Variants in PPARD observed in about 807,000 individuals in gnomAD.
The protein encoded by PPARD is peroxisome proliferator activated receptor delta.
A neutral mutation model predicts 39.5 loss-of-function variants in PPARD; 6 were observed. The observed-to-expected ratio is 0.15, with a 90% CI of 0.08 to 0.30. The LOEUF (loss-of-function observed/expected upper bound fraction) is 0.30, where lower values mean the gene tolerates loss of function less well. PPARD is among the 10% of genes least tolerant of loss of function. The probability of loss-of-function intolerance (pLI) is 1.00; values close to 1 mark genes in which losing one functional copy is unlikely to be tolerated. For synonymous variants in PPARD, 210 were observed against 231.3 expected (o/e 0.91, Z 0.83); for missense variants, 397 against 596.8 (o/e 0.67, Z 3.49).
intron 2 of PPARD, among the ~76,000 whole-genome samples, chr6:35,361,655 C>T (rs1454988601): frequency 1.3e-5 from 2 of 152,182 alleles, no homozygotes; most frequent in Non-Finnish European, 1.5e-5. Context: ...TGTGCTCCTG[C>T]CAGCCCCTGC....
rs142151603 is a variant in PPARD at position 35,361,545 on chromosome 6, G to A, written c.-102+14395G>A. On this transcript the variant is annotated intron_variant, in intron 2 of 7. Coordinates refer to ENST00000360694, the MANE Select transcript of PPARD (RefSeq NM_006238.5). ...AAATAACTTTAATGTTATTTTTGTC[G>A]TCCTCTTCATCTGAACATTGGCCTG... Among the ~76,000 whole-genome samples, 590 of 152,134 alleles carry A rather than the reference G, an allele frequency of 3.9e-3. 6 individuals carry two copies. Among genetic ancestry groups the A allele is most frequent in the Middle Eastern group, 0.017 (5 of 294 alleles).
chr6:35,362,060 G>A (rs1761950309), intron 2 of PPARD, among the ~76,000 whole-genome samples: 1 of 152,124 alleles, frequency 6.6e-6, no homozygotes, highest in Non-Finnish European at 1.5e-5. Flanking sequence ...GGAGAAAAAA[G>A]TAATATATTA....
At chr6:35,389,688 C>T (rs771774781) in intron 2 of PPARD, among the ~76,000 whole-genome samples, 5 of 152,170 alleles carry the variant, frequency 3.3e-5, no homozygotes, top group Non-Finnish European at 5.9e-5. Context: ...ATGCAGATTG[C>T]ATACTCTAAC....
intron 3 of PPARD, among the ~76,000 whole-genome samples, chr6:35,416,766 TC>T (rs957178087): frequency 7.2e-5 from 11 of 152,186 alleles, no homozygotes; most frequent in African/African-American, 2.4e-4. Flanking sequence ...GCAGTCCCCT[TC>T]CGTGACAGTC....
At chr6:35,404,575 G>A (rs1458781218) in intron 2 of PPARD, among the ~76,000 whole-genome samples, 1 of 152,328 alleles carries the variant, frequency 6.6e-6, no homozygotes, top group East Asian at 1.9e-4. Flanking sequence ...TGGGCATCAG[G>A]GAAACACCTG....
At chr6:35,378,775 G>A (rs1471087859) in intron 2 of PPARD, among the ~76,000 whole-genome samples, 2 of 152,074 alleles carry the variant, frequency 1.3e-5, no homozygotes, top group African/African-American at 2.4e-5. Context: ...TTCTGACCTC[G>A]TTAAGATTTC....
intron 2 of PPARD, among the ~76,000 whole-genome samples, chr6:35,375,140 C>T (rs1470659261): frequency 4.6e-5 from 7 of 151,174 alleles, no homozygotes; most frequent in South Asian, 2.1e-4. Context: ...TTTAACTTAA[C>T]GTATTACTGT....
intron 2 of PPARD, among the ~76,000 whole-genome samples, chr6:35,390,311 C>G (rs1224458733): frequency 4.6e-5 from 7 of 152,208 alleles, no homozygotes; most frequent in African/African-American, 1.7e-4. Flanking sequence ...CTGTGTTTTA[C>G]TCCTTTTGTC....
At chr6:35,397,424 C>T (rs760775623) in intron 2 of PPARD, 73 of 572,848 alleles carry the variant, frequency 1.3e-4, no homozygotes, top group Admixed American at 5.1e-4. Context: ...TGCTAGGCCC[C>T]TCAGGCTTCT....
chr6:35,383,304 A>G lies in PPARD; in HGVS notation c.-101-27683A>G, dbSNP rs538804829. On this transcript the variant is annotated intron_variant, in intron 2 of 7. Coordinates refer to ENST00000360694, the MANE Select transcript of PPARD (RefSeq NM_006238.5). ...GAAGCATATGGTGATCAGCTCAGCAAACAAATGGGTAACTTGCGCACTCAG... is the reference window on the plus strand; with the variant it reads ...GAAGCATATGGTGATCAGCTCAGCAGACAAATGGGTAACTTGCGCACTCAG... Among the ~76,000 whole-genome samples the G allele has an allele frequency of 1.4e-4, 21 of 152,254 alleles. No individual in the cohort carries two copies. In the South Asian group the frequency reaches 2.7e-3, roughly 20 times the overall value.
chr6:35,401,076 G>A lies in PPARD; in HGVS notation c.-101-9911G>A, dbSNP rs59072066. The stretch of plus-strand genomic sequence containing the variant: ...GGGAATCACTGAGACCAGGACCTCT[G>A]GGAGGCTGAACCCTGGGAGGGCAGA... On this transcript the variant is annotated intron_variant, in intron 2 of 7. Coordinates refer to ENST00000360694, the MANE Select transcript of PPARD (RefSeq NM_006238.5). This position sits in a 1 kb window ranked among gnomAD's most constrained non-coding sequence, Gnocchi z 4.1. Among the ~76,000 whole-genome samples, 7,979 of 152,248 alleles carry A rather than the reference G, an allele frequency of 0.052. 303 individuals carry two copies. The highest frequency in any genetic ancestry group is 0.1 in the African/African-American group (4,336 of 41,522).
chr6:35,384,337 C>T (rs1445015861), intron 2 of PPARD, among the ~76,000 whole-genome samples: 102 of 138,866 alleles, frequency 7.3e-4, no homozygotes, highest in African/African-American at 2.5e-3. Context: ...CCCGGCCAGC[C>T]GCCCCGTCTG....
chr6:35,424,772 G>C lies in PPARD; in HGVS notation c.1071G>C (p.Leu357=), dbSNP rs1289157247. 1 of 1,613,258 alleles carries C rather than the reference G, an allele frequency of 6.2e-7. No individual in the cohort carries two copies. Among genetic ancestry groups the C allele is most frequent in the Non-Finnish European group, 8.5e-7 (1 of 1,179,304 alleles). ...CCCTATTCATTGCGGCCATCATTCT[G>C]TGTGGAGGTGAGTGAGAGTGGGGCA... The part of the protein sequence containing the change: ...DLALFIAAII[L]CGDRPGLMNV... Residue 357 remains leucine (L), a synonymous_variant, in exon 7 of 8, where the codon CTG becomes CTC. Transcript: ENST00000360694. The surrounding 1 kb of genome is among the most constrained non-coding windows in gnomAD (Gnocchi z 7.1).
chr6:35,395,532 A>G (rs1433553880), intron 2 of PPARD, among the ~76,000 whole-genome samples: 1 of 152,180 alleles, frequency 6.6e-6, no homozygotes, highest in African/African-American at 2.4e-5. Flanking sequence ...GTGATGAACT[A>G]AGGAAGAGGG....
chr6:35,348,839 A>G, intron 2 of PPARD: 1 of 985,412 alleles, frequency 1.0e-6, no homozygotes, highest in South Asian at 4.7e-5. Flanking sequence ...GTTCCCCAAG[A>G]GGGAAGAGGT....
intron 2 of PPARD, among the ~76,000 whole-genome samples, chr6:35,408,379 A>C (rs981171218): frequency 4.6e-5 from 7 of 152,306 alleles, no homozygotes; most frequent in African/African-American, 1.4e-4. Flanking sequence ...GAGACTCAGA[A>C]GGAAGGAGAA....
chr6:35,348,984 C>A (rs1389974689), intron 2 of PPARD: 2 of 985,122 alleles, frequency 2.0e-6, no homozygotes, highest in African/African-American at 3.5e-5. Flanking sequence ...CATCCCTGAG[C>A]CTTGAGCTCC....
intron 2 of PPARD, among the ~76,000 whole-genome samples, chr6:35,356,718 G>T (rs563522697): frequency 2.0e-5 from 3 of 152,314 alleles, no homozygotes; most frequent in Admixed American, 2.0e-4. Context: ...CCAAATGTCT[G>T]CGGACATTGC....
intron 5 of PPARD, among the ~76,000 whole-genome samples, chr6:35,422,285 C>A (rs1562225715): frequency 1.3e-5 from 2 of 152,200 alleles, no homozygotes; most frequent in African/African-American, 4.8e-5. Flanking sequence ...GAACACCAGT[C>A]CCAGAAACTC....
Sources: allele counts gnomAD v4.1 joint callset (sites outside exome capture counted in the v4.1 genomes callset), GRCh38; gene constraint gnomAD v4.1.1; non-coding constraint Gnocchi (gnomAD v3.1); transcripts MANE v1.5; gene names NCBI Gene and HGNC (gene_info 2026-07-23, HGNC 2026-07-21).